LEKR1: variants seen among roughly 807,000 people sequenced by gnomAD.
LEKR1 encodes the protein protein LEKR1.
Under a neutral mutation model 72.4 loss-of-function variants are expected in LEKR1, and 59 were observed. The ratio of observed to expected loss-of-function variants is 0.82; its 90% confidence interval spans 0.66 to 1.01. The LOEUF is 1.01. Among genes scored for constraint, LEKR1 ranks in the 50% least tolerant of loss-of-function variants. The pLI, the probability that LEKR1 is intolerant of heterozygous loss-of-function variation, is 0.00. For missense variants in LEKR1, 728 were observed against 759.2 expected (o/e 0.96, Z 0.48); for synonymous variants, 257 against 263.2 (o/e 0.98, Z 0.23).
intron 6 of LEKR1, among the ~76,000 whole-genome samples, chr3:156,949,415 G>A (rs1284627955): frequency 6.6e-6 from 1 of 151,606 alleles, no homozygotes; most frequent in Non-Finnish European, 1.5e-5. Context: ...TTACTGAATA[G>A]GGAGTCTTTT....
chr3:156,866,504 G>A (rs1358235615), intron 3 of LEKR1, among the ~76,000 whole-genome samples: 3 of 152,020 alleles, frequency 2.0e-5, no homozygotes, highest in Non-Finnish European at 4.4e-5. Flanking sequence ...ATATCTTGGT[G>A]TCCTTGTCCC....
intron 6 of LEKR1, among the ~76,000 whole-genome samples, chr3:156,966,627 C>T (rs1728631349): frequency 6.6e-6 from 1 of 152,152 alleles, no homozygotes; most frequent in Non-Finnish European, 1.5e-5. Context: ...ACAAAGCAGC[C>T]AGGAAGCTCA....
intron 6 of LEKR1, chr3:156,977,910 A>T (rs1380655127): frequency 6.2e-6 from 1 of 161,700 alleles, no homozygotes; most frequent in Non-Finnish European, 1.4e-5. Context: ...CACTTTTTAC[A>T]TGTACATTTT....
intron 9 of LEKR1, among the ~76,000 whole-genome samples, chr3:157,005,130 A>T (rs553703896): frequency 6.6e-6 from 1 of 152,240 alleles, no homozygotes; most frequent in Non-Finnish European, 1.5e-5. Context: ...AGATATTAAG[A>T]TGATAATACA....
At position 156,953,384 on chromosome 3, in the gene LEKR1, G is replaced by T. The variant is rs145073754; in HGVS notation, c.745+10670G>T. On this transcript the variant is annotated intron_variant, in intron 6 of 12. Coordinates refer to ENST00000356539, the MANE Select transcript of LEKR1 (RefSeq NM_001004316.3). ...TTTAAGTTCTGGGGTACACATGCAG[G>T]ATGTGCAGGTTTGTTACACAGGTAA... Among the ~76,000 whole-genome samples, 238 of 151,492 alleles carry T rather than the reference G, an allele frequency of 1.6e-3. 2 individuals are homozygous for T. The highest frequency in any genetic ancestry group is 4.4e-4 in the Non-Finnish European group (30 of 67,662).
intron 2 of LEKR1, among the ~76,000 whole-genome samples, chr3:156,834,522 C>T (rs1427825216): frequency 1.3e-5 from 2 of 152,274 alleles, no homozygotes; most frequent in Middle Eastern, 3.4e-3. Context: ...TAAACTTTCT[C>T]TAGTAGTCTC....
At chr3:156,830,826 G>C (rs1286808620) in intron 2 of LEKR1, among the ~76,000 whole-genome samples, 1 of 152,152 alleles carries the variant, frequency 6.6e-6, no homozygotes, top group African/African-American at 2.4e-5. Context: ...ATTTTTGAAA[G>C]AGGTTTGGCA....
At chr3:157,023,213 C>T (rs567054584) in intron 10 of LEKR1, among the ~76,000 whole-genome samples, 10 of 152,214 alleles carry the variant, frequency 6.6e-5, no homozygotes, top group African/African-American at 2.4e-4. Context: ...AGTTTATAAT[C>T]CTGGCACAGT....
intron 3 of LEKR1, among the ~76,000 whole-genome samples, chr3:156,878,360 TC>T (rs1338796056): frequency 1.3e-5 from 2 of 152,182 alleles, no homozygotes; most frequent in East Asian, 3.9e-4. Context: ...TTTTTAAATT[TC>T]CCTCTTGATT....
intron 10 of LEKR1, among the ~76,000 whole-genome samples, chr3:157,014,434 T>C (rs892789734): frequency 2.6e-5 from 4 of 152,066 alleles, no homozygotes; most frequent in Non-Finnish European, 5.9e-5. Flanking sequence ...TCAATTTCAA[T>C]TTTGAAGGGA....
rs958046531 is a variant in LEKR1, at chr3:156,935,130, G to A, written c.560-7399G>A. Among the ~76,000 whole-genome samples, 9 of 152,134 alleles carry A rather than the reference G, an allele frequency of 5.9e-5. No homozygotes were observed. In the East Asian group the frequency reaches 1.3e-3, roughly 23 times the overall value. Reference sequence around the variant, plus strand: ...ATATTTTATCAAACACGAAGAAATAGGAGTTAGTTTTCAACCCTTGACTTT... The same window carrying A: ...ATATTTTATCAAACACGAAGAAATAAGAGTTAGTTTTCAACCCTTGACTTT... On this transcript the variant is annotated intron_variant, in intron 5 of 12. Transcript: ENST00000356539.
In LEKR1 at chr3:156,984,046, C is replaced by T. The variant is rs548205294; in HGVS notation, c.827+4771C>T. 5.3e-5 allele frequency among the ~76,000 whole-genome samples: 8 copies of T among 152,120 alleles called. No homozygotes were observed. In the South Asian group the frequency reaches 1.7e-3, roughly 32 times the overall value. On this transcript the variant is annotated intron_variant, in intron 7 of 12. Transcript: ENST00000356539. ...TAACTGATATCCCCCAAAGTATGTC[C>T]AGGATTGTAACCATAAAAGAACAGA...
At chr3:156,926,217 G>A (rs555488574) in intron 4 of LEKR1, among the ~76,000 whole-genome samples, 26 of 151,874 alleles carry the variant, frequency 1.7e-4, no homozygotes, top group African/African-American at 6.3e-4. Flanking sequence ...ACTACTTCAG[G>A]GAGACCATCT....
chr3:156,944,078 C>T (rs751330235), intron 6 of LEKR1, among the ~76,000 whole-genome samples: 4 of 150,812 alleles, frequency 2.7e-5, no homozygotes, highest in East Asian at 3.9e-4. Context: ...TTTACCATAT[C>T]GAAGTTTTTT....
chr3:156,954,876 T>C (rs1446190119), intron 6 of LEKR1, among the ~76,000 whole-genome samples: 1 of 152,036 alleles, frequency 6.6e-6, no homozygotes, highest in Non-Finnish European at 1.5e-5. Flanking sequence ...AAAATAGTTT[T>C]TTCTAGTTGT....
rs530087248 is a variant in LEKR1 at position 157,011,674 on chromosome 3, A to G, written c.1203+168A>G. On this transcript the variant is annotated intron_variant, in intron 10 of 12. Transcript: ENST00000356539. The stretch of plus-strand genomic sequence containing the variant: ...GCTTATGGAATGTGTCTTTTCCAAA[A>G]TATTAGACAACATAATGGAAAATAA... Among the ~76,000 whole-genome samples, 3 of 152,252 alleles carry G rather than the reference A, an allele frequency of 2.0e-5. No homozygotes were observed. The South Asian group carries it at 6.2e-4, about 32-fold the overall frequency.
chr3:156,920,453 C>A (rs1298816657), intron 3 of LEKR1, 122 bp from the exon 4 acceptor site: 3 of 613,816 alleles, frequency 4.9e-6, no homozygotes. Context: ...ATTCATATAG[C>A]ATATATAAGA....
chr3:156,943,159 A>G (rs1726377357), intron 6 of LEKR1, among the ~76,000 whole-genome samples: 1 of 151,986 alleles, frequency 6.6e-6, no homozygotes, highest in Non-Finnish European at 1.5e-5. Context: ...CAGTAAATGT[A>G]AAGAGTTTGT....
chr3:157,032,630 A>C (rs1734694450), intron 12 of LEKR1, among the ~76,000 whole-genome samples: 2 of 152,326 alleles, frequency 1.3e-5, no homozygotes, highest in Middle Eastern at 3.4e-3. Flanking sequence ...TAAGAGATAA[A>C]TAACTTATCA....
Sources: gnomAD v4.1 joint callset for allele counts (sites outside exome capture counted in the v4.1 genomes callset) on GRCh38, gnomAD v4.1.1 for gene constraint, MANE v1.5 for transcripts, NCBI Gene and HGNC (gene_info 2026-07-23, HGNC 2026-07-21) for gene names.